RHBDL2: variants seen among roughly 807,000 people sequenced by gnomAD.
The protein encoded by RHBDL2 is rhomboid-related protein 2.
RHBDL2 carries 26 observed loss-of-function variants against 31.7 expected under a neutral mutation model. The ratio of observed to expected loss-of-function variants is 0.82; its 90% CI spans 0.60 to 1.14. RHBDL2 has a LOEUF of 1.14. RHBDL2 is among the 50% of genes most tolerant of loss of function. RHBDL2 has a pLI of 0.00. For synonymous variants in RHBDL2, 123 were observed against 127.2 expected, an observed-to-expected ratio of 0.97 and a Z score of 0.22; for missense variants, 336 against 364.4, an observed-to-expected ratio of 0.92 and a Z score of 0.63.
Position 38,911,488 on chromosome 1 carries a change from T to A in RHBDL2, c.396-54A>T, listed in dbSNP as rs1210960023. The A allele has an allele frequency of 3.4e-6, 4 of 1,181,318 alleles. No homozygotes were observed. The African/African-American group carries it at 6.0e-5, about 18-fold the overall frequency. The allele number at this position is 1,181,318 out of a possible 1,614,324, so 73.2% of individuals were successfully genotyped here. On this transcript the variant is annotated intron_variant, in intron 3 of 7. Coordinates refer to ENST00000372990, the MANE Select transcript of RHBDL2 (RefSeq NM_017821.5). ...ATTATGACTAAACCAAGCAGTTATT[T>A]CCCTGGGAGATGAACAGACTTTCAT...
In RHBDL2 at chr1:38,929,594, C is replaced by G. The variant is rs926973307; in HGVS notation, c.-125-10257G>C. ...TCATTGGTACCAGGCAGGCCCCTGC[C>G]GGGGCTGAGACCCGCCTTGATGTGG... On this transcript the variant is annotated intron_variant, in intron 1 of 7. Transcript: ENST00000372990. 2.3e-6 allele frequency: 3 copies of G among 1,278,416 alleles called. No individual in the cohort carries two copies. In the African/African-American group the frequency reaches 4.6e-5, roughly 19 times the overall value. 79.2% of individuals were successfully genotyped at this position (1,278,416 alleles called of 1,614,324 possible). A position where few individuals can be genotyped will look rare whatever the true frequency, so the allele number is the denominator to read the frequency against.
intron 1 of RHBDL2, among the ~76,000 whole-genome samples, chr1:38,920,357 A>G (rs959039881): frequency 2.0e-5 from 3 of 151,464 alleles, no homozygotes; most frequent in African/African-American, 4.9e-5. Context: ...TAGTAGAGAC[A>G]GGGTTTCACC....
At chr1:38,891,699 G>A (rs1169176448) in intron 6 of RHBDL2, among the ~76,000 whole-genome samples, 1 of 152,186 alleles carries the variant, frequency 6.6e-6, no homozygotes, top group African/African-American at 2.4e-5. Context: ...TGAAATATTA[G>A]CGTTCTTATA....
At chr1:38,893,366 G>A (rs1162089526) in intron 5 of RHBDL2, 142 bp from the exon 6 acceptor site, 5 of 510,626 alleles carry the variant, frequency 9.8e-6, no homozygotes, top group African/African-American at 5.7e-5. Context: ...TGTCACAGCC[G>A]AGTTTTTAAA....
intron 1 of RHBDL2, chr1:38,926,055 C>G (rs1643371172): frequency 2.4e-6 from 3 of 1,251,168 alleles, no homozygotes; most frequent in Non-Finnish European, 3.1e-6. Context: ...GGGAATTTAT[C>G]TTCTCCTGGT....
At chr1:38,933,927 C>G (rs926690859) in intron 1 of RHBDL2, among the ~76,000 whole-genome samples, 8 of 152,052 alleles carry the variant, frequency 5.3e-5, no homozygotes, top group Admixed American at 1.3e-4. Flanking sequence ...TGGGCTTTCA[C>G]TTGTAGGCTG....
intron 1 of RHBDL2, among the ~76,000 whole-genome samples, chr1:38,921,720 C>G (rs1012257864): frequency 1.3e-5 from 2 of 152,180 alleles, no homozygotes; most frequent in Non-Finnish European, 2.9e-5. Context: ...TCACCCGCCT[C>G]CCAGAGTCAG....
intron 6 of RHBDL2, among the ~76,000 whole-genome samples, chr1:38,889,888 C>T (rs1642832742): frequency 6.6e-6 from 1 of 152,166 alleles, no homozygotes; most frequent in African/African-American, 2.4e-5. Flanking sequence ...AGCATCAGGA[C>T]ATGTGCTCTG....
chr1:38,921,034 T>C (rs1199201562), intron 1 of RHBDL2, among the ~76,000 whole-genome samples: 2 of 152,184 alleles, frequency 1.3e-5, no homozygotes, highest in Non-Finnish European at 2.9e-5. Flanking sequence ...TCAGATTCCA[T>C]TTTAAACTGA....
Position 38,927,785 on chromosome 1 carries a change from G to A in RHBDL2, c.-125-8448C>T, listed in dbSNP as rs371467905. Among the ~76,000 whole-genome samples, 28 of 152,254 alleles carry A rather than the reference G, an allele frequency of 1.8e-4. No individual in the cohort carries two copies. In the East Asian group the frequency reaches 5.2e-3, roughly 28 times the overall value. The stretch of plus-strand genomic sequence containing the variant: ...ACACTTACTGTGTGCCAGCATCCAG[G>A]CTAAACACTTTATGAGCATTGTCTT... On this transcript the variant is annotated intron_variant, in intron 1 of 7. Coordinates refer to ENST00000372990, the MANE Select transcript of RHBDL2 (RefSeq NM_017821.5).
At chr1:38,909,776 A>G (rs534323360) in intron 4 of RHBDL2, among the ~76,000 whole-genome samples, 1 of 152,296 alleles carries the variant, frequency 6.6e-6, no homozygotes, top group East Asian at 1.9e-4. Context: ...ATTAAATTAA[A>G]TTAAAAAATA....
chr1:38,887,501 T>G (rs979740127), intron 7 of RHBDL2, among the ~76,000 whole-genome samples: 6 of 152,212 alleles, frequency 3.9e-5, no homozygotes, highest in African/African-American at 1.4e-4. Flanking sequence ...CTCGGCTCAC[T>G]GCAACCTCCG....
chr1:38,925,388 C>G (rs1405186688), intron 1 of RHBDL2, among the ~76,000 whole-genome samples: 1 of 152,022 alleles, frequency 6.6e-6, no homozygotes. Flanking sequence ...ATCCCAGCTA[C>G]TCGGGAGGCT....
intron 4 of RHBDL2, among the ~76,000 whole-genome samples, chr1:38,897,103 CTT>C (rs1214407153): frequency 1.4e-4 from 20 of 141,916 alleles, no homozygotes; most frequent in Admixed American, 2.8e-4. Context: ...TTTGAAGAAT[CTT>C]TTTTTTTTTT....
chr1:38,899,283 G>A (rs1018925669), intron 4 of RHBDL2, among the ~76,000 whole-genome samples: 1 of 152,216 alleles, frequency 6.6e-6, no homozygotes, highest in Non-Finnish European at 1.5e-5. Context: ...GGACTCAGAC[G>A]ACAACCAGAG....
chr1:38,920,860 C>T (rs1005023795), intron 1 of RHBDL2, among the ~76,000 whole-genome samples: 5 of 151,720 alleles, frequency 3.3e-5, no homozygotes, highest in Admixed American at 6.6e-5. Context: ...CGTGATCCGC[C>T]CGCCTCGGCC....
At chr1:38,892,591 G>A (rs771683976) in intron 6 of RHBDL2, among the ~76,000 whole-genome samples, 21 of 152,164 alleles carry the variant, frequency 1.4e-4, no homozygotes, top group Middle Eastern at 3.2e-3. Context: ...TAGGCTTGCA[G>A]TTATTCTCCA....
rs556582135 is a variant in RHBDL2, at chr1:38,919,311, C to G, written c.-99G>C. ...TGCCGCTCTTCCCTGGGCTGTCTGG[C>G]GCAACGACTGCTTTCCAAGGCCTTT... is the stretch of plus-strand genomic sequence containing the variant. On this transcript the variant is annotated 5_prime_UTR_variant, in exon 2 of 8. Coordinates refer to ENST00000372990, the MANE Select transcript of RHBDL2 (RefSeq NM_017821.5). 2 of 1,603,714 alleles carry G rather than the reference C, an allele frequency of 1.2e-6. No homozygotes were observed. The highest frequency in any genetic ancestry group is 2.7e-5 in the African/African-American group (2 of 74,910).
chr1:38,933,149 C>T (rs1157345481), intron 1 of RHBDL2, among the ~76,000 whole-genome samples: 1 of 152,166 alleles, frequency 6.6e-6, no homozygotes, highest in African/African-American at 2.4e-5. Flanking sequence ...CTTTCTACTA[C>T]TTTCTCCCAA....
Sources: allele counts gnomAD v4.1 joint callset (sites outside exome capture counted in the v4.1 genomes callset), GRCh38; gene constraint gnomAD v4.1.1; transcripts MANE v1.5; gene names NCBI Gene and HGNC (gene_info 2026-07-23, HGNC 2026-07-21).